Variants in CPEB3 observed in about 807,000 individuals in gnomAD.
CPEB3 encodes cytoplasmic polyadenylation element binding protein 3.
CPEB3 carries 20 observed loss-of-function variants against 67.2 expected under a neutral mutation model. The ratio of observed to expected loss-of-function variants is 0.30; its 90% CI spans 0.21 to 0.43. The LOEUF (loss-of-function observed/expected upper bound fraction) is 0.43. Among genes scored for constraint, CPEB3 ranks in the 20% least tolerant of loss-of-function variants. CPEB3 has a pLI of 1.00. For synonymous variants in CPEB3, 376 were observed against 393.1 expected (o/e 0.96, Z 0.51); for missense variants, 746 against 968.6 (o/e 0.77, Z 3.05).
chr10:92,279,819 G>A (rs1842176833), intron 1 of CPEB3, among the ~76,000 whole-genome samples: 1 of 152,156 alleles, frequency 6.6e-6, no homozygotes, highest in African/African-American at 2.4e-5. Context: ...AGACCAGCCT[G>A]GACAACATGG....
intron 4 of CPEB3, among the ~76,000 whole-genome samples, chr10:92,174,116 G>A (rs1464088712): frequency 6.6e-6 from 1 of 152,100 alleles, no homozygotes; most frequent in Non-Finnish European, 1.5e-5. Context: ...TCAAATTTTG[G>A]AAAATGCCAT....
At chr10:92,222,520 G>A (rs968493576) in intron 2 of CPEB3, among the ~76,000 whole-genome samples, 1 of 152,140 alleles carries the variant, frequency 6.6e-6, no homozygotes, top group African/African-American at 2.4e-5. Flanking sequence ...AAGTTCAGCA[G>A]GAATTCTCTC....
At position 92,091,880 on chromosome 10, in the gene CPEB3, T is replaced by C. The variant is rs1199589750; in HGVS notation, c.1637A>G (p.Asp546Gly). The change falls in exon 8 of 10, where the codon GAC (aspartate) becomes GGC (glycine). Residue 546 changes from aspartate (D) to glycine (G), a missense_variant. Asp to Gly is a moderately conservative substitution (Grantham distance 94, BLOSUM62 -1). Transcript: ENST00000265997. The stretch of plus-strand genomic sequence containing the variant: ...CCCAACAAAGATAGTTTTTCTGGGG[T>C]CCAAAGGCTGAGAACCATCCATTAC... ...DFVMDGSQPL[D>G]PRKTIFVGGV... 1.9e-6 allele frequency: 3 copies of C among 1,613,774 alleles called. No homozygotes were observed.
chr10:92,174,461 T>C (rs1848137250), intron 4 of CPEB3, among the ~76,000 whole-genome samples: 1 of 152,226 alleles, frequency 6.6e-6, no homozygotes, highest in Non-Finnish European at 1.5e-5. Flanking sequence ...TCCAAGTTTC[T>C]TGGTGTATCA....
At chr10:92,117,313 T>A (rs1448260277) in intron 6 of CPEB3, among the ~76,000 whole-genome samples, 1 of 129,026 alleles carries the variant, frequency 7.8e-6, no homozygotes, top group Non-Finnish European at 1.6e-5. Context: ...TGAGCCACCA[T>A]GCCTGGCTGA....
At chr10:92,236,871 T>C (rs1387982990) in intron 2 of CPEB3, among the ~76,000 whole-genome samples, 3 of 152,186 alleles carry the variant, frequency 2.0e-5, no homozygotes, top group Non-Finnish European at 4.4e-5. Flanking sequence ...CAGGGTAGAA[T>C]GGGTTTCTTT....
At chr10:92,055,962 G>T (rs1590042100) in intron 9 of CPEB3, among the ~76,000 whole-genome samples, 1 of 152,200 alleles carries the variant, frequency 6.6e-6, no homozygotes, top group African/African-American at 2.4e-5. Context: ...AAGCTGCAGT[G>T]AGCCAAGATT....
At chr10:92,168,795 T>C (rs542730890) in intron 4 of CPEB3, among the ~76,000 whole-genome samples, 3 of 149,254 alleles carry the variant, frequency 2.0e-5, no homozygotes, top group Admixed American at 2.0e-4. Flanking sequence ...CTTGCCCTTT[T>C]TTTTTTTTTT....
chr10:92,113,773 G>A (rs1844866836), intron 6 of CPEB3, among the ~76,000 whole-genome samples: 1 of 151,830 alleles, frequency 6.6e-6, no homozygotes, highest in Non-Finnish European at 1.5e-5. Context: ...TAGCAGCTGA[G>A]CAGCTCCCAC....
intron 2 of CPEB3, among the ~76,000 whole-genome samples, chr10:92,234,426 A>T (rs1277447376): frequency 6.6e-6 from 1 of 152,240 alleles, no homozygotes; most frequent in Non-Finnish European, 1.5e-5. Context: ...AAAATTTTTT[A>T]AAAACACAGC....
intron 8 of CPEB3, among the ~76,000 whole-genome samples, chr10:92,087,228 A>G (rs994069869): frequency 1.3e-5 from 2 of 152,210 alleles, no homozygotes; most frequent in African/African-American, 4.8e-5. Flanking sequence ...CTGAATATTT[A>G]CTTCACAAAT....
intron 2 of CPEB3, among the ~76,000 whole-genome samples, chr10:92,229,628 A>C (rs757656901): frequency 2.0e-5 from 3 of 152,242 alleles, no homozygotes; most frequent in Non-Finnish European, 4.4e-5. Flanking sequence ...CACAGGCCAG[A>C]ACTATGGGGT....
rs200044532 is a variant in CPEB3, at chr10:92,242,250, A to AC, written c.-11-1890dup. On this transcript the variant is annotated intron_variant, in intron 1 of 9. Transcript: ENST00000265997. Reference sequence around the variant, plus strand: ...CATTCCCCTGCCTTTCCTCCCTTCAACCCCCCCAGGGAAAAAAACCCAACT... The same window carrying AC: ...CATTCCCCTGCCTTTCCTCCCTTCAACCCCCCCCAGGGAAAAAAACCCAACT... 8.5e-4 allele frequency among the ~76,000 whole-genome samples: 129 copies of AC among 151,232 alleles called. 2 individuals are homozygous for AC. The East Asian group carries it at 0.022, about 25-fold the overall frequency.
intron 2 of CPEB3, among the ~76,000 whole-genome samples, chr10:92,210,863 C>G (rs75622974): frequency 3.3e-5 from 5 of 151,760 alleles, no homozygotes; most frequent in Non-Finnish European, 5.9e-5. Flanking sequence ...GATGATGAAA[C>G]CCAGTCTGTA....
chr10:92,054,669 T>C (rs2134264177), intron 9 of CPEB3, among the ~76,000 whole-genome samples: 1 of 152,284 alleles, frequency 6.6e-6, no homozygotes, highest in African/African-American at 2.4e-5. Flanking sequence ...CTCAAATTCC[T>C]GACCTCAGGT....
At chr10:92,084,039 G>A (rs1250835021) in intron 8 of CPEB3, among the ~76,000 whole-genome samples, 3 of 152,022 alleles carry the variant, frequency 2.0e-5, no homozygotes, top group East Asian at 3.9e-4. Flanking sequence ...AAAATTAGCC[G>A]GGCGTGGTGG....
intron 2 of CPEB3, among the ~76,000 whole-genome samples, chr10:92,217,246 T>TACAC (rs1256685201): frequency 8.0e-6 from 1 of 125,404 alleles, no homozygotes; most frequent in Non-Finnish European, 1.6e-5. Flanking sequence ...TATATATATA[T>TACAC]ATACACACAC....
intron 2 of CPEB3, among the ~76,000 whole-genome samples, chr10:92,196,506 C>G (rs1293402488): frequency 6.6e-6 from 1 of 152,148 alleles, no homozygotes; most frequent in Non-Finnish European, 1.5e-5. Flanking sequence ...CAGTGGCTCA[C>G]GCCTGTAATC....
At chr10:92,135,041 G>T (rs1846025963) in intron 6 of CPEB3, among the ~76,000 whole-genome samples, 1 of 152,100 alleles carries the variant, frequency 6.6e-6, no homozygotes, top group Non-Finnish European at 1.5e-5. Flanking sequence ...TTAAATGTTA[G>T]ACCTAAAACC....
Sources: allele counts gnomAD v4.1 joint callset (sites outside exome capture counted in the v4.1 genomes callset), GRCh38; gene constraint gnomAD v4.1.1; transcripts MANE v1.5; gene names NCBI Gene and HGNC (gene_info 2026-07-23, HGNC 2026-07-21).